The following FBXW10B variants were observed in gnomAD, a reference collection of about 807,000 sequenced individuals.
The protein encoded by FBXW10B is F-box and WD repeat domain containing 10B, also known as F-box and WD repeat domain containing protein 10B.
chr17:15,593,606 C>T, the FBXW10B span: 21 of 1,407,402 alleles, frequency 1.5e-5, no homozygotes, highest in Non-Finnish European at 1.9e-5. Context: ...CCATAACTGG[C>T]CTCAAAATGG....
the FBXW10B span, chr17:15,596,546 C>G: frequency 6.2e-7 from 1 of 1,609,014 alleles, no homozygotes; most frequent in African/African-American, 1.3e-5. Context: ...ATGTGCCACA[C>G]TTTCACCAGC....
the FBXW10B span, among the ~76,000 whole-genome samples, chr17:15,580,168 A>G: frequency 6.6e-6 from 1 of 151,968 alleles, no homozygotes; most frequent in Non-Finnish European, 1.5e-5. Context: ...AATGAATATA[A>G]AAGAATTTTT....
the FBXW10B span, among the ~76,000 whole-genome samples, chr17:15,567,687 C>T: frequency 5.3e-5 from 8 of 152,036 alleles, no homozygotes; most frequent in Non-Finnish European, 1.2e-4. Context: ...GAGTGAAATC[C>T]TGTCTCAGAG....
chr17:15,617,501 A>T, the FBXW10B span, among the ~76,000 whole-genome samples: 1 of 152,064 alleles, frequency 6.6e-6, no homozygotes, highest in East Asian at 1.9e-4. Flanking sequence ...TCCCCTCCAA[A>T]TCTCATGTTG....
chr17:15,599,411 T>C, the FBXW10B span, among the ~76,000 whole-genome samples: 2 of 131,226 alleles, frequency 1.5e-5, no homozygotes, highest in Admixed American at 8.1e-5. Flanking sequence ...AGTAAAGAAT[T>C]TCCCAGCCCC....
chr17:15,578,139 C>CA, the FBXW10B span, among the ~76,000 whole-genome samples: 1 of 152,138 alleles, frequency 6.6e-6, no homozygotes, highest in Non-Finnish European at 1.5e-5. Flanking sequence ...GTTAATTAGA[C>CA]ACGTTCACAG....
chr17:15,568,511 G>A, the FBXW10B span, among the ~76,000 whole-genome samples: 4 of 152,110 alleles, frequency 2.6e-5, no homozygotes, highest in African/African-American at 9.7e-5. Flanking sequence ...CATTCTGCCT[G>A]TTCCCTGCTG....
the FBXW10B span, among the ~76,000 whole-genome samples, chr17:15,594,388 C>T: frequency 2.7e-5 from 4 of 149,538 alleles, no homozygotes; most frequent in East Asian, 2.0e-4. Context: ...AGGAGAATAG[C>T]GTGAACCCAG....
At chr17:15,585,209 G>A in the FBXW10B span, among the ~76,000 whole-genome samples, 1 of 151,676 alleles carries the variant, frequency 6.6e-6, no homozygotes, top group Admixed American at 6.6e-5. Context: ...ACAACACAGA[G>A]GTATCTTTGT....
chr17:15,589,242 T>G, the FBXW10B span: 1 of 1,613,240 alleles, frequency 6.2e-7, no homozygotes, highest in African/African-American at 1.3e-5. Context: ...GGATGCAGAG[T>G]AAAGAGAGAC....
chr17:15,602,678 G>A, the FBXW10B span, among the ~76,000 whole-genome samples: 4 of 105,088 alleles, frequency 3.8e-5, no homozygotes, highest in Non-Finnish European at 7.0e-5. Flanking sequence ...CCAGGCTGGA[G>A]TGCAGTGGCG....
chr17:15,597,637 A>T, the FBXW10B span, among the ~76,000 whole-genome samples: 1 of 152,144 alleles, frequency 6.6e-6, no homozygotes, highest in Admixed American at 6.5e-5. Flanking sequence ...ATCTCAAAAA[A>T]AAATAAAAAT....
At chr17:15,616,841 G>C in the FBXW10B span, among the ~76,000 whole-genome samples, 1 of 149,166 alleles carries the variant, frequency 6.7e-6, no homozygotes, top group East Asian at 2.0e-4. Context: ...AAAAGAAGAA[G>C]GTTGCCACAA....
the FBXW10B span, chr17:15,595,072 T>A: frequency 2.4e-6 from 1 of 424,004 alleles, no homozygotes; most frequent in South Asian, 9.8e-5. Flanking sequence ...CCGGGCGCGG[T>A]GGCTCATGCC....
At chr17:15,602,518 G>A in the FBXW10B span, among the ~76,000 whole-genome samples, 3 of 149,650 alleles carry the variant, frequency 2.0e-5, no homozygotes, top group Non-Finnish European at 4.4e-5. Flanking sequence ...AAATATCTCT[G>A]TGACCTAGAA....
At chr17:15,588,260 G>A in the FBXW10B span, 1 of 161,100 alleles carries the variant, frequency 6.2e-6, no homozygotes. Context: ...GTAGCATGCT[G>A]AGCCTGTAAT....
chr17:15,615,786 C>T, the FBXW10B span: 1 of 1,613,866 alleles, frequency 6.2e-7, no homozygotes, highest in Non-Finnish European at 8.5e-7. Context: ...GAAAAACACA[C>T]ATCTGTGATG....
chr17:15,592,394 T>C, the FBXW10B span, among the ~76,000 whole-genome samples: 13 of 146,916 alleles, frequency 8.8e-5, no homozygotes, highest in Middle Eastern at 3.5e-3. Context: ...TAAATAATAC[T>C]AATAAAGTTT....
the FBXW10B span, among the ~76,000 whole-genome samples, chr17:15,603,582 T>C: frequency 0.21 from 32,434 of 151,942 alleles, 3,768 homozygotes; most frequent in East Asian, 0.37. Flanking sequence ...TAAGTGTTGG[T>C]GAGAATATAT....
Sources: allele counts gnomAD v4.1 joint callset (sites outside exome capture counted in the v4.1 genomes callset), GRCh38; gene constraint gnomAD v4.1.1; transcripts MANE v1.5; gene names NCBI Gene and HGNC (gene_info 2026-07-23, HGNC 2026-07-21).